Variants in EIPR1 observed in about 807,000 individuals in gnomAD.
EIPR1 encodes the protein EARP complex and GARP complex interacting protein 1.
EIPR1 carries 25 observed loss-of-function variants against 48.1 expected under a neutral mutation model. The observed-to-expected ratio is 0.52, with a 90% CI of 0.38 to 0.73. The LOEUF (loss-of-function observed/expected upper bound fraction) is 0.73. EIPR1 is among the 30% of genes least tolerant of loss of function. EIPR1 has a pLI of 0.00. For missense variants in EIPR1, 415 were observed against 506.2 expected (o/e 0.82, Z 1.73); for synonymous variants, 204 against 201.9 (o/e 1.01, Z -0.09).
intron 5 of EIPR1, among the ~76,000 whole-genome samples, chr2:3,212,498 G>C (rs1214688842): frequency 6.6e-6 from 1 of 152,218 alleles, no homozygotes; most frequent in African/African-American, 2.4e-5. Context: ...CTCTGCCCAA[G>C]TGTCTCACCC....
chr2:3,189,596 G>A lies in EIPR1; in HGVS notation c.990-88C>T. 7.8e-7 allele frequency: 1 copy of A among 1,277,480 alleles called. No homozygotes were observed. Among genetic ancestry groups the A allele is most frequent in the Non-Finnish European group, 1.1e-6 (1 of 952,224 alleles). The allele number at this position is 1,277,480 out of a possible 1,614,324, so 79.1% of individuals were successfully genotyped here. On this transcript the variant is annotated intron_variant, in intron 8 of 8. Transcript: ENST00000382125. The surrounding 1 kb of genome is among the most constrained non-coding windows in gnomAD (Gnocchi z 4.6). ...AGGGAGGACGCGAGCGCTGACATCG[G>A]GAGACACGGGAGGTACTGGGGCCTC... is the stretch of plus-strand genomic sequence containing the variant.
At chr2:3,365,002 GA>G (rs1319343350) in intron 1 of EIPR1, among the ~76,000 whole-genome samples, 8 of 151,990 alleles carry the variant, frequency 5.3e-5, no homozygotes, top group African/African-American at 1.7e-4. Context: ...CTGACATAAA[GA>G]AAAAACAAAT....
intron 3 of EIPR1, among the ~76,000 whole-genome samples, chr2:3,283,296 A>G (rs754543310): frequency 6.6e-6 from 1 of 152,166 alleles, no homozygotes; most frequent in Non-Finnish European, 1.5e-5. Flanking sequence ...CACCAGCAGC[A>G]TGGCGCACTG....
At chr2:3,234,679 G>T (rs1032414506) in intron 4 of EIPR1, among the ~76,000 whole-genome samples, 1 of 152,276 alleles carries the variant, frequency 6.6e-6, no homozygotes, top group Non-Finnish European at 1.5e-5. Context: ...AAAAGTGCGG[G>T]ACGCTGTTGA....
intron 4 of EIPR1, among the ~76,000 whole-genome samples, chr2:3,216,824 T>A (rs542483479): frequency 8.5e-5 from 13 of 152,378 alleles, no homozygotes; most frequent in Non-Finnish European, 1.3e-4. Flanking sequence ...AGAGTGAAGA[T>A]GTCATATTAA....
intron 3 of EIPR1, among the ~76,000 whole-genome samples, chr2:3,274,139 T>C (rs139247749): frequency 2.1e-3 from 321 of 152,270 alleles, no homozygotes; most frequent in African/African-American, 7.3e-3. Flanking sequence ...CGTGGGAATG[T>C]GGGAGATAGA....
rs1659821560 is a variant in EIPR1, at chr2:3,374,885, T to C, written c.42+2763A>G. 2.7e-5 allele frequency among the ~76,000 whole-genome samples: 4 copies of C among 146,806 alleles called. No individual in the cohort carries two copies. In the South Asian group the frequency reaches 9.0e-4, roughly 33 times the overall value. ...CCCAGCCATCCCATTACTGGGTATA[T>C]ACCCAAAGGACTATAAATCATGCTG... On this transcript the variant is annotated intron_variant, in intron 1 of 8. Transcript: ENST00000382125.
intron 3 of EIPR1, among the ~76,000 whole-genome samples, chr2:3,284,495 G>A (rs1274066589): frequency 1.3e-5 from 2 of 152,296 alleles, no homozygotes; most frequent in African/African-American, 2.4e-5. Flanking sequence ...TGGGGCGGGA[G>A]GCCGGGTCTT....
intron 3 of EIPR1, among the ~76,000 whole-genome samples, chr2:3,297,216 T>C (rs981594829): frequency 6.6e-6 from 1 of 152,154 alleles, no homozygotes; most frequent in African/African-American, 2.4e-5. Flanking sequence ...GAAAACAGCA[T>C]CGATGGAATC....
At chr2:3,230,218 T>C (rs554808335) in intron 4 of EIPR1, among the ~76,000 whole-genome samples, 91 of 152,308 alleles carry the variant, frequency 6.0e-4, no homozygotes, top group African/African-American at 1.8e-3. Context: ...TGTCAGTATA[T>C]AGCAATGCAA....
At chr2:3,294,829 T>C (rs1668491348) in intron 3 of EIPR1, among the ~76,000 whole-genome samples, 4 of 125,128 alleles carry the variant, frequency 3.2e-5, no homozygotes, top group East Asian at 2.8e-4. Context: ...ACACCCTCCA[T>C]CCAGCCCATC....
chr2:3,334,367 C>T (rs1669982447), intron 3 of EIPR1, among the ~76,000 whole-genome samples: 1 of 152,226 alleles, frequency 6.6e-6, no homozygotes, highest in South Asian at 2.1e-4. Flanking sequence ...ATGTGGAAGC[C>T]TAGTGATTTA....
chr2:3,293,679 A>G (rs979086839), intron 3 of EIPR1, among the ~76,000 whole-genome samples: 1 of 152,202 alleles, frequency 6.6e-6, no homozygotes. Context: ...TGGTCCCGAC[A>G]GCTGTTGGAT....
chr2:3,253,147 T>C (rs1239580834), intron 4 of EIPR1, among the ~76,000 whole-genome samples: 4 of 152,198 alleles, frequency 2.6e-5, no homozygotes, highest in Non-Finnish European at 5.9e-5. Context: ...CGGTCCTTTT[T>C]CCTAACCCAG....
At chr2:3,324,899 C>T (rs1324750817) in intron 3 of EIPR1, among the ~76,000 whole-genome samples, 2 of 152,222 alleles carry the variant, frequency 1.3e-5, no homozygotes, top group Non-Finnish European at 2.9e-5. Context: ...TAGGGCCTCA[C>T]GCCTCACAGG....
intron 3 of EIPR1, among the ~76,000 whole-genome samples, chr2:3,292,086 T>C (rs1342320808): frequency 1.3e-5 from 2 of 152,250 alleles, no homozygotes; most frequent in East Asian, 3.8e-4. Context: ...TGAAGAGTTT[T>C]CCATTCTGGC....
In EIPR1 at chr2:3,191,184, T is replaced by A. The variant is rs76317294; in HGVS notation, c.989+1230A>T. 3.8e-5 allele frequency among the ~76,000 whole-genome samples: 5 copies of A among 131,670 alleles called. No individual in the cohort carries two copies. The South Asian group carries it at 1.0e-3, about 26-fold the overall frequency. The allele number at this position is 131,670 out of a possible 152,430, so 86.4% of individuals were successfully genotyped here. On this transcript the variant is annotated intron_variant, in intron 8 of 8. Transcript: ENST00000382125. Reference sequence around the variant, plus strand: ...AGAAAGGGTCCAAAGACAGAGACAATCAGATGGGCCCATCGCCACTGCAGA... The same window carrying A: ...AGAAAGGGTCCAAAGACAGAGACAAACAGATGGGCCCATCGCCACTGCAGA...
chr2:3,355,596 G>A (rs1472200552), intron 1 of EIPR1, among the ~76,000 whole-genome samples: 1 of 152,118 alleles, frequency 6.6e-6, no homozygotes, highest in Non-Finnish European at 1.5e-5. Context: ...ATCACTTGAG[G>A]CCAGGAGTTC....
chr2:3,208,983 A>AT lies in EIPR1; in HGVS notation c.516+5165dup, dbSNP rs1018723996. Reference sequence around the variant, plus strand: ...CTAATAGGACAAGGGAAGAGCTCTCATATTATCAAGGTCGCCAGAAGCGGG... The same window carrying AT: ...CTAATAGGACAAGGGAAGAGCTCTCATTATTATCAAGGTCGCCAGAAGCGGG... On this transcript the variant is annotated intron_variant, in intron 5 of 8. Transcript: ENST00000382125. 12 of 1,465,034 alleles carry AT rather than the reference A, an allele frequency of 8.2e-6. No homozygotes were observed. In the African/African-American group the frequency reaches 1.4e-4, roughly 17 times the overall value. 90.8% of individuals were successfully genotyped at this position (1,465,034 alleles called of 1,614,324 possible).
Sources: allele counts gnomAD v4.1 joint callset (sites outside exome capture counted in the v4.1 genomes callset), GRCh38; gene constraint gnomAD v4.1.1; non-coding constraint Gnocchi (gnomAD v3.1); transcripts MANE v1.5; gene names NCBI Gene and HGNC (gene_info 2026-07-23, HGNC 2026-07-21).